The following CDON variants were observed in gnomAD, a reference collection of about 807,000 sequenced individuals.
CDON encodes the protein cell adhesion molecule-related/down-regulated by oncogenes.
CDON carries 73 observed loss-of-function variants against 120.9 expected under a neutral mutation model. The ratio of observed to expected loss-of-function variants is 0.60; its 90% CI spans 0.50 to 0.73. The LOEUF is 0.73. Ranked by LOEUF, CDON falls within the 30% of genes least tolerant of loss-of-function variation. The pLI is 0.00. For synonymous variants in CDON, 566 were observed against 573.5 expected (o/e 0.99, Z 0.19); for missense variants, 1,470 against 1,587.3 (o/e 0.93, Z 1.26).
Position 126,001,859 on chromosome 11 carries a change from G to T in CDON, c.2027-9C>A. ...TGATGACGCTGTTTTTTCTAGAAAG[G>T]TAAATAAACATATACAGTAACATAA... On this transcript the variant is annotated splice_polypyrimidine_tract_variant and intron_variant, in intron 10 of 19. Coordinates refer to ENST00000531738, the MANE Select transcript of CDON (RefSeq NM_001378964.1). 3 of 1,586,324 alleles carry T rather than the reference G, an allele frequency of 1.9e-6. No homozygotes were observed. The highest frequency in any genetic ancestry group is 2.6e-6 in the Non-Finnish European group (3 of 1,154,618).
chr11:126,024,951 T>G lies in CDON; in HGVS notation c.-61-1414A>C, dbSNP rs1449381833. ...TGGGCACGGTGGCTCACATTTGTAA[T>G]CCCAGCACTTTGGGAAGCTGAGGAA... On this transcript the variant is annotated intron_variant, in intron 1 of 19. Coordinates refer to ENST00000531738, the MANE Select transcript of CDON (RefSeq NM_001378964.1). Among the ~76,000 whole-genome samples, 5 of 152,240 alleles carry G rather than the reference T, an allele frequency of 3.3e-5. No individual in the cohort carries two copies. In the East Asian group the frequency reaches 9.6e-4, roughly 29 times the overall value.
At chr11:126,049,050 C>T (rs1308028233) in intron 1 of CDON, among the ~76,000 whole-genome samples, 2 of 152,144 alleles carry the variant, frequency 1.3e-5, no homozygotes, top group Admixed American at 6.5e-5. Flanking sequence ...TCTTTAAAAG[C>T]CAAGTTAACC....
chr11:125,971,179 C>G (rs1389990679), intron 18 of CDON, among the ~76,000 whole-genome samples: 1 of 151,974 alleles, frequency 6.6e-6, no homozygotes, highest in African/African-American at 2.4e-5. Flanking sequence ...GTCAGGAGAC[C>G]AAGACCATCC....
At chr11:125,969,191 T>C (rs1945889231) in intron 18 of CDON, among the ~76,000 whole-genome samples, 1 of 152,112 alleles carries the variant, frequency 6.6e-6, no homozygotes, top group South Asian at 2.1e-4. Context: ...AGAGACAGGG[T>C]TTCTCCATGT....
At chr11:125,979,148 T>C (rs1470371301) in intron 17 of CDON, among the ~76,000 whole-genome samples, 1 of 152,178 alleles carries the variant, frequency 6.6e-6, no homozygotes, top group East Asian at 1.9e-4. Context: ...AGAACTGAAT[T>C]TGATAAAAGG....
At chr11:126,025,189 A>G (rs111937900) in intron 1 of CDON, among the ~76,000 whole-genome samples, 1 of 152,154 alleles carries the variant, frequency 6.6e-6, no homozygotes, top group South Asian at 2.1e-4. Flanking sequence ...TGGGCAACAG[A>G]GCCAGACTCC....
intron 9 of CDON, chr11:126,004,396 C>A: frequency 5.7e-6 from 2 of 353,972 alleles, no homozygotes; most frequent in African/African-American, 2.1e-5. Context: ...TCTTCCTGGG[C>A]TAATGAAGAA....
At chr11:125,997,497 C>G in intron 11 of CDON, 87 bp from the exon 12 acceptor site, 1 of 1,045,122 alleles carries the variant, frequency 9.6e-7, no homozygotes, top group Non-Finnish European at 1.5e-6. Flanking sequence ...TCCCAAACTT[C>G]ATGTTATTAA....
rs542655756 is a variant in CDON at position 126,034,446 on chromosome 11, G to A, written c.-61-10909C>T. On this transcript the variant is annotated intron_variant, in intron 1 of 19. Coordinates refer to ENST00000531738, the MANE Select transcript of CDON (RefSeq NM_001378964.1). The surrounding 1 kb of genome is among the most constrained non-coding windows in gnomAD (Gnocchi z 4.5). ...CAGAAAAAGGCAACAGTGAGGGGCT[G>A]CCAGCTGCAACAGGAATCAATGTGG... 6.6e-6 allele frequency among the ~76,000 whole-genome samples: 1 copy of A among 152,254 alleles called. No homozygotes were observed. Among genetic ancestry groups the A allele is most frequent in the South Asian group, 2.1e-4 (1 of 4,826 alleles).
At chr11:126,045,302 A>AGCCTCCCAAAAT (rs1395051000) in intron 1 of CDON, among the ~76,000 whole-genome samples, 1 of 152,232 alleles carries the variant, frequency 6.6e-6, no homozygotes, top group Non-Finnish European at 1.5e-5. Context: ...CTGGGATTAC[A>AGCCTCCCAAAAT]GGCGTGAGCC....
chr11:126,005,812 C>T lies in CDON; in HGVS notation c.1798G>A (p.Ala600Thr), dbSNP rs747322659. ...TPDTYNLVWRAGKDGGLPINA... is the reference protein window; with the variant it reads ...TPDTYNLVWRTGKDGGLPINA... ...ATGGGCAGCCCACCATCCTTGCCTG[C>T]CCTCCACACCAGGTTGTACGTGTCT... Residue 600 changes from alanine (A) to threonine (T), a missense_variant, in exon 9 of 20, where the codon GCA becomes ACA. Ala to Thr is a moderately conservative substitution (Grantham distance 58). Transcript: ENST00000531738. The T allele has an allele frequency of 3.1e-6, 5 of 1,613,962 alleles. No homozygotes were observed. Among genetic ancestry groups the T allele is most frequent in the Non-Finnish European group, 4.2e-6 (5 of 1,180,010 alleles).
chr11:126,024,932 C>T (rs545654070), intron 1 of CDON, among the ~76,000 whole-genome samples: 62 of 152,160 alleles, frequency 4.1e-4, no homozygotes, highest in African/African-American at 1.5e-3. Flanking sequence ...AGGCTGGGCA[C>T]GGTGGCTCAC....
intron 1 of CDON, among the ~76,000 whole-genome samples, chr11:126,046,490 C>A (rs886750405): frequency 1.4e-5 from 2 of 141,982 alleles, no homozygotes; most frequent in Admixed American, 1.4e-4. Flanking sequence ...ATGAGATTCT[C>A]GAGACTTATC....
Position 126,001,829 on chromosome 11 carries a change from T to G in CDON, c.2048A>C (p.Asn683Thr). 1 of 1,605,804 alleles carries G rather than the reference T, an allele frequency of 6.2e-7. No individual in the cohort carries two copies. The highest frequency in any genetic ancestry group is 1.1e-5 in the South Asian group (1 of 90,946). ...TSKEKTASSK[N>T]TQASSPPVGI... ...CACGGGTGGAGAGGATGCCTGGGTG[T>G]TTTTTGATGACGCTGTTTTTTCTAG... Residue 683 changes from asparagine to threonine, a missense_variant, in exon 11 of 20, where the codon AAC (asparagine) becomes ACC (threonine). Coordinates refer to ENST00000531738, the MANE Select transcript of CDON (RefSeq NM_001378964.1).
In CDON at chr11:125,978,368, T is replaced by C. The variant is rs1946202552; in HGVS notation, c.3292A>G (p.Thr1098Ala). Residue 1098 changes from threonine (T) to alanine (A), a missense_variant, in exon 18 of 20, where the codon ACG becomes GCG. Transcript: ENST00000531738. ...AGAGGGTCAATCTGAGGCACGGCCG[T>C]GTACATTCCACCACCCTGGACAGGA... ...HHLVNGGGMY[T>A]AVPQIDPLEC... 6.2e-7 allele frequency: 1 copy of C among 1,605,894 alleles called. No homozygotes were observed.
At chr11:126,059,141 G>C (rs1456868620) in intron 1 of CDON, among the ~76,000 whole-genome samples, 1 of 152,218 alleles carries the variant, frequency 6.6e-6, no homozygotes, top group Non-Finnish European at 1.5e-5. Context: ...CAGTTTGAAA[G>C]TTATTAAAAC....
chr11:126,042,397 T>A (rs1038426737), intron 1 of CDON, among the ~76,000 whole-genome samples: 2 of 152,202 alleles, frequency 1.3e-5, no homozygotes, highest in Non-Finnish European at 2.9e-5. Flanking sequence ...GTGGGACACA[T>A]GCAGTATGAA....
At chr11:126,018,495 G>A in intron 4 of CDON, 22 bp from the exon 5 acceptor site, 2 of 1,608,528 alleles carry the variant, frequency 1.2e-6, no homozygotes, top group Non-Finnish European at 1.7e-6. Flanking sequence ...AGGGAGTGCA[G>A]TTAGGCCTCT....
In CDON at chr11:126,023,464, G is replaced by C. The variant is rs1947696675; in HGVS notation, c.13C>G (p.Leu5Val). MHPD[L>V]GPLCTLLYVT... ...TACAGCAGTGTACATAAGGGTCCAA[G>C]ATCCGGATGCATAGCGCCAGATTAC... Residue 5 changes from leucine to valine, a missense_variant, in exon 2 of 20, where the codon CTT becomes GTT. Transcript: ENST00000531738. The C allele has an allele frequency of 6.2e-7, 1 of 1,612,154 alleles. No individual in the cohort carries two copies. The highest frequency in any genetic ancestry group is 1.7e-5 in the Admixed American group (1 of 60,004).
Sources: gnomAD v4.1 joint callset for allele counts (sites outside exome capture counted in the v4.1 genomes callset) on GRCh38, gnomAD v4.1.1 for gene constraint, Gnocchi (gnomAD v3.1) non-coding constraint, MANE v1.5 for transcripts, NCBI Gene and HGNC (gene_info 2026-07-23, HGNC 2026-07-21) for gene names.